Variants in IGSF5 observed in about 807,000 individuals in gnomAD.
IGSF5 encodes the protein immunoglobulin superfamily member 5, also known as immunoglobulin superfamily 5 like.
Under a neutral mutation model 39.4 loss-of-function variants are expected in IGSF5, and 41 were observed. The ratio of observed to expected loss-of-function variants is 1.04; its 90% CI spans 0.81 to 1.35. IGSF5 has a LOEUF of 1.35. IGSF5 is among the 40% of genes most tolerant of loss of function. IGSF5 has a pLI of 0.00. For synonymous variants in IGSF5, 183 were observed against 175.3 expected, an observed-to-expected ratio of 1.04 and a Z score of -0.34; for missense variants, 487 against 494.6, an observed-to-expected ratio of 0.98 and a Z score of 0.15.
chr21:39,752,978 T>C (rs2080013008), intron 2 of IGSF5, among the ~76,000 whole-genome samples: 1 of 152,228 alleles, frequency 6.6e-6, no homozygotes, highest in African/African-American at 2.4e-5. Context: ...ATTACTTCTT[T>C]TGCTGTGCAG....
Position 39,745,233 on chromosome 21 carries a change from G to T in IGSF5, c.-277G>T, listed in dbSNP as rs961729960. Among the ~76,000 whole-genome samples, 5 of 151,814 alleles carry T rather than the reference G, an allele frequency of 3.3e-5. No homozygotes were observed. Among genetic ancestry groups the T allele is most frequent in the Admixed American group, 6.6e-5 (1 of 15,250 alleles). On this transcript the variant is annotated 5_prime_UTR_variant, in exon 1 of 9. Transcript: ENST00000380588. ...ATTACAAACTTGGGGCCCTGGCAAGGGTGGTGGGGAATGGGTCCTGCATAA... is the reference window on the plus strand; with the variant it reads ...ATTACAAACTTGGGGCCCTGGCAAGTGTGGTGGGGAATGGGTCCTGCATAA...
In IGSF5 at chr21:39,753,455, G is replaced by T. The variant is rs561592170; in HGVS notation, c.100+7157G>T. On this transcript the variant is annotated intron_variant, in intron 2 of 8. Transcript: ENST00000380588. Reference sequence around the variant, plus strand: ...GCCTCCAGATTTATACTCTACAGTTGTTGGGAAGAATGTTCTGTAAATATC... The same window carrying T: ...GCCTCCAGATTTATACTCTACAGTTTTTGGGAAGAATGTTCTGTAAATATC... 1.4e-3 allele frequency among the ~76,000 whole-genome samples: 216 copies of T among 152,164 alleles called. 2 individuals are homozygous for T. Among genetic ancestry groups the T allele is most frequent in the African/African-American group, 5.0e-3 (206 of 41,544 alleles).
intron 2 of IGSF5, among the ~76,000 whole-genome samples, chr21:39,749,976 T>G (rs1312872514): frequency 6.6e-6 from 1 of 152,226 alleles, no homozygotes; most frequent in Non-Finnish European, 1.5e-5. Context: ...AGGGTGAAAT[T>G]CAACGGAACT....
chr21:39,787,412 G>A lies in IGSF5; in HGVS notation c.935-755G>A, dbSNP rs78289378. ...ATAGAAGGCCTGGACAGTAAAGCTC[G>A]GTTGTAAAGATCACAGGCTTTTGGG... On this transcript the variant is annotated intron_variant, in intron 5 of 8. Transcript: ENST00000380588. Among the ~76,000 whole-genome samples, 1,464 of 152,210 alleles carry A rather than the reference G, an allele frequency of 9.6e-3. 19 individuals carry two copies. The highest frequency in any genetic ancestry group is 0.033 in the African/African-American group (1,354 of 41,516).
the IGSF5 span, among the ~76,000 whole-genome samples, chr21:39,731,337 C>G: frequency 4.6e-5 from 7 of 152,054 alleles, no homozygotes; most frequent in Admixed American, 2.0e-4. Context: ...GAATCTGAAC[C>G]CTGTGAGTGC....
chr21:39,768,306 C>T (rs4306776), intron 3 of IGSF5, among the ~76,000 whole-genome samples: 47,458 of 152,042 alleles, frequency 0.31, 8,008 homozygotes, highest in Non-Finnish European at 0.39. Context: ...AAAGAGGAAA[C>T]AACCATGAAT....
intron 4 of IGSF5, among the ~76,000 whole-genome samples, chr21:39,778,871 T>C (rs560278047): frequency 5.1e-4 from 78 of 152,344 alleles, no homozygotes; most frequent in African/African-American, 1.4e-3. Context: ...ACTGGGTTAC[T>C]AAGAAGTTGT....
the IGSF5 span, among the ~76,000 whole-genome samples, chr21:39,718,464 G>A: frequency 1.1e-4 from 17 of 151,988 alleles, no homozygotes; most frequent in South Asian, 1.2e-3. Context: ...TTGCCCATTC[G>A]GTATAATGTT....
At position 39,801,354 on chromosome 21, in the gene IGSF5, A is replaced by G. The variant is rs2087027949; in HGVS notation, c.1221A>G (p.Val407=). 1.2e-6 allele frequency: 2 copies of G among 1,610,238 alleles called. No homozygotes were observed. Among genetic ancestry groups the G allele is most frequent in the African/African-American group, 1.3e-5 (1 of 74,986 alleles). The part of the protein sequence containing the change: ...SPEKVSNTTV[V] ...AGAAGGTCAGTAATACAACTGTAGT[A>G]TAGCAAAGCCTTCCCCAAGCTCCAC... The change falls in exon 9 of 9, where the codon GTA becomes GTG. Residue 407 remains valine (V), a synonymous_variant. Transcript: ENST00000380588.
Position 39,745,278 on chromosome 21 carries a change from T to G in IGSF5, c.-232T>G, listed in dbSNP as rs1042917402. The G allele has an allele frequency of 2.4e-6, 1 of 414,672 alleles. No homozygotes were observed. 25.7% of individuals were successfully genotyped at this position (414,672 alleles called of 1,614,324 possible). On this transcript the variant is annotated 5_prime_UTR_variant, in exon 1 of 9. Coordinates refer to ENST00000380588, the MANE Select transcript of IGSF5 (RefSeq NM_001080444.2). ...GCATAACTGCTCATGTCAAGAGCTG[T>G]ATACCTAAATTAGGAGGGACGCCAG...
intron 4 of IGSF5, among the ~76,000 whole-genome samples, chr21:39,777,890 C>T (rs2080148930): frequency 6.6e-6 from 1 of 152,120 alleles, no homozygotes. Context: ...TTTTTGAACT[C>T]CAGTCTGTGG....
intron 8 of IGSF5, 92 bp from the exon 9 acceptor site, chr21:39,801,170 A>G: frequency 1.1e-6 from 1 of 876,696 alleles, no homozygotes; most frequent in Non-Finnish European, 1.9e-6. Flanking sequence ...CCTTAATTTT[A>G]TCTTAACAGA....
chr21:39,725,844 A>G, the IGSF5 span: 1 of 152,210 alleles, frequency 6.6e-6, no homozygotes, highest in East Asian at 1.9e-4. Flanking sequence ...TTAGAGATCA[A>G]GTTAAAGAAT....
At chr21:39,763,792 T>G (rs758014127) in intron 2 of IGSF5, among the ~76,000 whole-genome samples, 46 of 152,180 alleles carry the variant, frequency 3.0e-4, no homozygotes, top group Non-Finnish European at 5.6e-4. Flanking sequence ...CAGACTCGGC[T>G]GTTTTCTCTT....
intron 7 of IGSF5, among the ~76,000 whole-genome samples, chr21:39,792,808 C>T (rs1414490026): frequency 2.6e-5 from 4 of 152,120 alleles, no homozygotes; most frequent in Non-Finnish European, 5.9e-5. Context: ...CACCAGGAAG[C>T]AGCAGCAGTT....
intron 6 of IGSF5, among the ~76,000 whole-genome samples, chr21:39,790,950 ATATGGGAGGATGTGTG>A (rs1412438582): frequency 6.6e-6 from 1 of 152,274 alleles, no homozygotes; most frequent in Non-Finnish European, 1.5e-5. Context: ...AATTTAAAAT[ATATGGGAGGATGTGTG>A]TATGTTATAT....
At chr21:39,761,463 G>C (rs928008077) in intron 2 of IGSF5, among the ~76,000 whole-genome samples, 3 of 152,132 alleles carry the variant, frequency 2.0e-5, no homozygotes, top group Non-Finnish European at 4.4e-5. Flanking sequence ...CAGAGTAAAT[G>C]GATAGCCTAC....
intron 8 of IGSF5, among the ~76,000 whole-genome samples, chr21:39,800,240 A>G (rs936477173): frequency 1.3e-5 from 2 of 152,234 alleles, no homozygotes; most frequent in East Asian, 1.9e-4. Flanking sequence ...GCCTTAACTC[A>G]CTGTCAGTGC....
At chr21:39,772,705 G>A (rs4818087) in intron 4 of IGSF5, among the ~76,000 whole-genome samples, 85,012 of 152,060 alleles carry the variant, frequency 0.56, 25,070 homozygotes, top group East Asian at 0.9. Context: ...ATTTGGGTCA[G>A]TTTGGATCAA....
Sources: allele counts gnomAD v4.1 joint callset (sites outside exome capture counted in the v4.1 genomes callset), GRCh38; gene constraint gnomAD v4.1.1; transcripts MANE v1.5; gene names NCBI Gene and HGNC (gene_info 2026-07-23, HGNC 2026-07-21).